Variants in USP48 observed in about 807,000 individuals in gnomAD.
The protein encoded by USP48 is ubiquitin specific peptidase 48.
In USP48, 43 loss-of-function variants were observed where a neutral mutation model predicts 150.7. The ratio of observed to expected loss-of-function variants is 0.29; its 90% CI spans 0.22 to 0.37. The LOEUF (loss-of-function observed/expected upper bound fraction) is 0.37. Ranked by LOEUF, USP48 falls within the 10% of genes least tolerant of loss-of-function variation. USP48 has a pLI of 1.00. For synonymous variants in USP48, 396 were observed against 425.9 expected (o/e 0.93, Z 0.86); for missense variants, 813 against 1,249.6 (o/e 0.65, Z 5.27).
At chr1:21,748,069 C>A (rs1234332542) in intron 7 of USP48, 69 bp downstream of exon 7, 6 of 1,395,124 alleles carry the variant, frequency 4.3e-6, no homozygotes, top group Non-Finnish European at 4.7e-6. Flanking sequence ...TTTATCATCT[C>A]ATCTATGGTA....
At position 21,706,857 on chromosome 1, in the gene USP48, T is replaced by C. The variant is rs760320864; in HGVS notation, c.1975A>G (p.Ile659Val). 2.5e-6 allele frequency: 4 copies of C among 1,607,136 alleles called. No individual in the cohort carries two copies. The highest frequency in any genetic ancestry group is 2.2e-5 in the East Asian group (1 of 44,824). Residue 659 changes from isoleucine (I) to valine (V), a missense_variant, in exon 16 of 27, where the codon ATA (isoleucine) becomes GTA (valine). By Grantham distance (29) the Ile-to-Val change is conservative (BLOSUM62 3). Coordinates refer to ENST00000308271, the MANE Select transcript of USP48 (RefSeq NM_032236.8). Reference protein sequence around the residue: ...DILCPHGELCISENERRLVSK... With the variant: ...DILCPHGELCVSENERRLVSK... ...ACAAGCCTTCTTTCATTTTCAGATA[T>C]GCATAACTCACCTGAGTTTAAAAAA... is the stretch of plus-strand genomic sequence containing the variant.
chr1:21,768,805 T>C lies in USP48; in HGVS notation c.135-11022A>G, dbSNP rs1017725231. Among the ~76,000 whole-genome samples, 47 of 152,100 alleles carry C rather than the reference T, an allele frequency of 3.1e-4. 1 individual carries two copies. The highest frequency in any genetic ancestry group is 1.0e-3 in the African/African-American group (43 of 41,418). The stretch of plus-strand genomic sequence containing the variant: ...TAATAAAACAGTATCGTTTTGGTTT[T>C]GGTTTGTGTTTTGAGGCAGGGTCTT... On this transcript the variant is annotated intron_variant, in intron 1 of 26. Transcript: ENST00000308271.
At chr1:21,713,216 C>T (rs191117217) in intron 15 of USP48, among the ~76,000 whole-genome samples, 26 of 152,212 alleles carry the variant, frequency 1.7e-4, no homozygotes, top group African/African-American at 6.3e-4. Flanking sequence ...GTAACCCTCT[C>T]AATGTAGCCT....
chr1:21,705,219 G>C (rs190782757), intron 19 of USP48, among the ~76,000 whole-genome samples: 1 of 152,198 alleles, frequency 6.6e-6, no homozygotes, highest in East Asian at 1.9e-4. Flanking sequence ...CGTATATCAC[G>C]ATTTTTGGTA....
At chr1:21,759,176 G>T (rs1236589317) in intron 1 of USP48, among the ~76,000 whole-genome samples, 2 of 79,268 alleles carry the variant, frequency 2.5e-5, no homozygotes, top group African/African-American at 4.5e-5. Context: ...AGAGAGACAC[G>T]GTCTCAAAAA....
chr1:21,744,811 T>C (rs1384082958), intron 8 of USP48, among the ~76,000 whole-genome samples: 2 of 138,668 alleles, frequency 1.4e-5, no homozygotes, highest in African/African-American at 5.3e-5. Context: ...AATGCTAAGC[T>C]TTTAAGTCCC....
intron 1 of USP48, among the ~76,000 whole-genome samples, chr1:21,770,135 C>A (rs2097874946): frequency 6.9e-6 from 1 of 145,086 alleles, no homozygotes; most frequent in Non-Finnish European, 1.5e-5. Flanking sequence ...CTGGCCTGGG[C>A]AACATATTGA....
At chr1:21,696,590 A>G (rs1332678156) in intron 22 of USP48, among the ~76,000 whole-genome samples, 1 of 152,246 alleles carries the variant, frequency 6.6e-6, no homozygotes, top group Non-Finnish European at 1.5e-5. Flanking sequence ...TATGGGTATT[A>G]GAGGACATTA....
At chr1:21,684,594 G>A (rs1486648108) in intron 25 of USP48, among the ~76,000 whole-genome samples, 1 of 152,138 alleles carries the variant, frequency 6.6e-6, no homozygotes, top group Non-Finnish European at 1.5e-5. Context: ...CCTGTGCTTT[G>A]AGGTCTCAGC....
At chr1:21,771,417 A>G (rs531435148) in intron 1 of USP48, among the ~76,000 whole-genome samples, 71 of 148,488 alleles carry the variant, frequency 4.8e-4, no homozygotes, top group Middle Eastern at 3.6e-3. Flanking sequence ...ATTATAATTT[A>G]TAATTATTTT....
intron 15 of USP48, among the ~76,000 whole-genome samples, chr1:21,710,345 C>T (rs2097686910): frequency 6.6e-6 from 1 of 152,112 alleles, no homozygotes; most frequent in Admixed American, 6.5e-5. Context: ...AACCCCTCAC[C>T]CTCAATCTAG....
At chr1:21,717,189 A>C (rs1303845120) in intron 14 of USP48, among the ~76,000 whole-genome samples, 1 of 151,994 alleles carries the variant, frequency 6.6e-6, no homozygotes, top group Non-Finnish European at 1.5e-5. Context: ...AGATCACATG[A>C]GCCCAGGAGT....
chr1:21,782,709 G>A (rs1295736202), intron 1 of USP48, 115 bp downstream of exon 1: 8 of 1,377,232 alleles, frequency 5.8e-6, no homozygotes, highest in African/African-American at 1.5e-5. Context: ...CACCTCGCTC[G>A]GCTCCGCGCC....
chr1:21,723,124 T>A (rs940469295), intron 12 of USP48, among the ~76,000 whole-genome samples: 38 of 152,112 alleles, frequency 2.5e-4, no homozygotes, highest in Non-Finnish European at 1.8e-4. Flanking sequence ...AATACTATGG[T>A]TGGGTACTAT....
At chr1:21,761,108 G>GA (rs111237462) in intron 1 of USP48, among the ~76,000 whole-genome samples, 4,197 of 139,328 alleles carry the variant, frequency 0.03, 163 homozygotes, top group African/African-American at 0.085. Context: ...AGAAAAAAAA[G>GA]AAAAAAAAAA....
Position 21,703,596 on chromosome 1 carries a change from T to C in USP48, c.2538A>G (p.Glu846=), listed in dbSNP as rs1420568259. The change falls in exon 21 of 27, where the codon GAA becomes GAG. Residue 846 remains glutamate (E), a synonymous_variant. Coordinates refer to ENST00000308271, the MANE Select transcript of USP48 (RefSeq NM_032236.8). ...SEPKLCPECR[E]GLLCQQQRDL... The stretch of plus-strand genomic sequence containing the variant: ...CCCTCTGCTGCTGACACAATAAGCC[T>C]TCTCTGCATTCTGGACAGAGTTCTT... 6.2e-7 allele frequency: 1 copy of C among 1,609,760 alleles called. No homozygotes were observed. The highest frequency in any genetic ancestry group is 1.1e-5 in the South Asian group (1 of 91,034).
intron 10 of USP48, 74 bp downstream of exon 10, chr1:21,729,630 C>A: frequency 6.6e-7 from 1 of 1,525,604 alleles, no homozygotes; most frequent in Non-Finnish European, 8.9e-7. Flanking sequence ...AAAAGCAATC[C>A]ATTACTTATC....
chr1:21,737,560 T>C (rs2097771364), intron 8 of USP48, among the ~76,000 whole-genome samples: 1 of 152,200 alleles, frequency 6.6e-6, no homozygotes, highest in Admixed American at 6.5e-5. Flanking sequence ...GAGAAACATC[T>C]TGTAAAGATC....
chr1:21,681,268 C>CTTT, intron 25 of USP48: 1 of 148,290 alleles, frequency 6.7e-6, no homozygotes, highest in Non-Finnish European at 1.5e-5. Flanking sequence ...ATTTTATTTA[C>CTTT]TTTTTTTTTT....
Sources: gnomAD v4.1 joint callset for allele counts (sites outside exome capture counted in the v4.1 genomes callset) on GRCh38, gnomAD v4.1.1 for gene constraint, MANE v1.5 for transcripts, NCBI Gene and HGNC (gene_info 2026-07-23, HGNC 2026-07-21) for gene names.